Variants in KLF12 observed in about 807,000 individuals in gnomAD.
The protein encoded by KLF12 is Krueppel-like factor 12.
Under a neutral mutation model 37.8 loss-of-function variants are expected in KLF12, and 9 were observed. That is an observed-to-expected ratio of 0.24 (90% CI 0.14 to 0.42). KLF12 has a LOEUF of 0.42. Ranked by LOEUF, KLF12 falls within the 10% of genes least tolerant of loss-of-function variation. KLF12 has a pLI of 1.00. For synonymous variants in KLF12, 208 were observed against 202.1 expected, an observed-to-expected ratio of 1.03 and a Z score of -0.25; for missense variants, 411 against 516.0, an observed-to-expected ratio of 0.80 and a Z score of 1.97.
At chr13:73,928,072 G>A (rs1456007374) in intron 3 of KLF12, among the ~76,000 whole-genome samples, 1 of 152,106 alleles carries the variant, frequency 6.6e-6, no homozygotes, top group Non-Finnish European at 1.5e-5. Flanking sequence ...TGGCCAGGAT[G>A]GTCTTTATCT....
intron 1 of KLF12, among the ~76,000 whole-genome samples, chr13:73,997,429 TACC>T (rs1336216233): frequency 6.6e-6 from 1 of 152,188 alleles, no homozygotes; most frequent in East Asian, 1.9e-4. Flanking sequence ...GTGTAAGAAT[TACC>T]ACTTTTTAAT....
At chr13:73,995,962 G>C (rs1460505711) in intron 1 of KLF12, among the ~76,000 whole-genome samples, 1 of 152,150 alleles carries the variant, frequency 6.6e-6, no homozygotes. Context: ...GGAGTTCTCA[G>C]CAGCGCCCAT....
chr13:73,824,269 G>A (rs995900275), intron 4 of KLF12, among the ~76,000 whole-genome samples: 9 of 152,106 alleles, frequency 5.9e-5, no homozygotes, highest in Non-Finnish European at 1.0e-4. Context: ...ATTGAGATGA[G>A]CCCCGTAGTT....
chr13:74,238,366 A>T, the KLF12 span, among the ~76,000 whole-genome samples: 2 of 134,314 alleles, frequency 1.5e-5, no homozygotes, highest in Admixed American at 1.4e-4. Flanking sequence ...GGATTTTTGC[A>T]TCAATGTTCA....
chr13:74,148,654 C>T, the KLF12 span, among the ~76,000 whole-genome samples: 1 of 151,986 alleles, frequency 6.6e-6, no homozygotes, highest in African/African-American at 2.4e-5. Context: ...TTAACACAAC[C>T]CTGATAGTTA....
At chr13:73,832,485 A>T (rs1884214037) in intron 4 of KLF12, among the ~76,000 whole-genome samples, 1 of 152,230 alleles carries the variant, frequency 6.6e-6, no homozygotes, top group Non-Finnish European at 1.5e-5. Context: ...ACCGGAGATG[A>T]TTAGGGGGAG....
the KLF12 span, among the ~76,000 whole-genome samples, chr13:74,224,069 A>G: frequency 2.0e-5 from 3 of 152,094 alleles, no homozygotes; most frequent in Admixed American, 2.0e-4. Context: ...AATCTTCCCT[A>G]GTGACTCTGC....
upstream of KLF12, among the ~76,000 whole-genome samples, chr13:74,135,760 G>A (rs1168278851): frequency 6.6e-6 from 1 of 152,200 alleles, no homozygotes; most frequent in East Asian, 1.9e-4. Flanking sequence ...AGGCCGGGAA[G>A]GGGAAGTTTG....
chr13:73,860,541 C>A (rs940483005), intron 3 of KLF12, among the ~76,000 whole-genome samples: 6 of 151,990 alleles, frequency 3.9e-5, no homozygotes, highest in Non-Finnish European at 8.8e-5. Context: ...TTGAGACCAG[C>A]CTGGGCAACA....
Position 73,741,794 on chromosome 13 carries a change from ATGT to A in KLF12, c.869+23141_869+23143del, listed in dbSNP as rs913585833. Reference sequence around the variant, plus strand: ...TCTATCTACAGTTAAGTTTAAAAAAATGTTGTTTTCAAAAAATCTCCAGAAAAT... The same window carrying A: ...TCTATCTACAGTTAAGTTTAAAAAAATGTTTTCAAAAAATCTCCAGAAAAT... On this transcript the variant is annotated intron_variant, in intron 6 of 7. Coordinates refer to ENST00000377669, the MANE Select transcript of KLF12 (RefSeq NM_007249.5). Among the ~76,000 whole-genome samples, 725 of 152,324 alleles carry A rather than the reference ATGT, an allele frequency of 4.8e-3. 2 individuals carry two copies. The highest frequency in any genetic ancestry group is 0.017 in the African/African-American group (687 of 41,566).
chr13:73,697,239 A>G (rs1874215550), intron 7 of KLF12, among the ~76,000 whole-genome samples: 1 of 152,230 alleles, frequency 6.6e-6, no homozygotes, highest in Non-Finnish European at 1.5e-5. Flanking sequence ...TGTTAAATCA[A>G]TGCTGTCTGT....
At chr13:74,093,219 T>G (rs1156555349) in intron 1 of KLF12, among the ~76,000 whole-genome samples, 1 of 152,172 alleles carries the variant, frequency 6.6e-6, no homozygotes, top group African/African-American at 2.4e-5. Flanking sequence ...CTAAATCACA[T>G]AGTTAAGAAA....
chr13:74,039,885 T>G (rs1167701294), intron 1 of KLF12, among the ~76,000 whole-genome samples: 4 of 152,252 alleles, frequency 2.6e-5, no homozygotes, highest in Admixed American at 2.6e-4. Flanking sequence ...TTTTCACACA[T>G]GAGCTATTGC....
At chr13:74,280,830 T>C in the KLF12 span, among the ~76,000 whole-genome samples, 4 of 144,634 alleles carry the variant, frequency 2.8e-5, no homozygotes, top group Admixed American at 6.8e-5. Flanking sequence ...TTTTTCTTTT[T>C]TTTTTTTTTT....
the KLF12 span, among the ~76,000 whole-genome samples, chr13:74,246,291 C>T: frequency 7.9e-5 from 12 of 152,220 alleles, no homozygotes; most frequent in African/African-American, 2.9e-4. Context: ...AGGAATAGCA[C>T]ATTCTTGTAC....
At chr13:74,076,695 C>T (rs538807133) in intron 1 of KLF12, among the ~76,000 whole-genome samples, 8 of 152,140 alleles carry the variant, frequency 5.3e-5, no homozygotes, top group South Asian at 2.1e-4. Flanking sequence ...TTGTTATATA[C>T]GTAAACTCAT....
intron 3 of KLF12, among the ~76,000 whole-genome samples, chr13:73,913,596 A>G (rs1888677199): frequency 1.3e-5 from 2 of 152,236 alleles, no homozygotes; most frequent in African/African-American, 2.4e-5. Flanking sequence ...CTCCTCTCAC[A>G]TAGTGAGAAA....
intron 6 of KLF12, among the ~76,000 whole-genome samples, chr13:73,749,124 T>G (rs1014985877): frequency 1.2e-4 from 18 of 152,292 alleles, no homozygotes; most frequent in Admixed American, 7.9e-4. Flanking sequence ...GCTACAATCC[T>G]AGGGGAGGCC....
chr13:74,040,443 G>C (rs368729693), intron 1 of KLF12, among the ~76,000 whole-genome samples: 1 of 152,142 alleles, frequency 6.6e-6, no homozygotes, highest in East Asian at 1.9e-4. Flanking sequence ...CTGCAGCCCC[G>C]GCCTGGGACA....
Sources: allele counts gnomAD v4.1 joint callset (sites outside exome capture counted in the v4.1 genomes callset), GRCh38; gene constraint gnomAD v4.1.1; transcripts MANE v1.5; gene names NCBI Gene and HGNC (gene_info 2026-07-23, HGNC 2026-07-21).